Variants in POU6F2 observed in about 807,000 individuals in gnomAD.
POU6F2 encodes the protein POU class 6 homeobox 2, also known as POU domain, class 6, transcription factor 2.
POU6F2 carries 31 observed loss-of-function variants against 71.3 expected under a neutral mutation model. The ratio of observed to expected loss-of-function variants is 0.43; its 90% confidence interval spans 0.33 to 0.59. The LOEUF (loss-of-function observed/expected upper bound fraction) is 0.59. Among genes scored for constraint, POU6F2 ranks in the 20% least tolerant of loss-of-function variants. The pLI, the probability that POU6F2 is intolerant of heterozygous loss-of-function variation, is 0.04. For missense variants in POU6F2, 783 were observed against 856.8 expected (o/e 0.91, Z 1.07); for synonymous variants, 347 against 355.7 (o/e 0.98, Z 0.27).
At position 39,291,726 on chromosome 7, in the gene POU6F2, G is replaced by T. The variant is rs373732149; in HGVS notation, c.599-47916G>T. ...TTGAAGCACGGTTTCATTAATACCG[G>T]ATGGCAGAAAAGGAGCCAAGTCCCA... On this transcript the variant is annotated intron_variant, in intron 4 of 9. Transcript: ENST00000518318. Among the ~76,000 whole-genome samples the T allele has an allele frequency of 8.5e-5, 13 of 152,268 alleles. 1 individual carries two copies. In the East Asian group the frequency reaches 1.9e-3, roughly 23 times the overall value.
intron 5 of POU6F2, among the ~76,000 whole-genome samples, chr7:39,382,924 T>TTAA (rs1786859710): frequency 6.6e-6 from 1 of 152,102 alleles, no homozygotes; most frequent in Non-Finnish European, 1.5e-5. Flanking sequence ...AAATGAGGAA[T>TTAA]TTCATTAAGT....
intron 4 of POU6F2, among the ~76,000 whole-genome samples, chr7:39,223,254 AG>A (rs1321779337): frequency 6.6e-6 from 1 of 152,204 alleles, no homozygotes; most frequent in Non-Finnish European, 1.5e-5. Flanking sequence ...CCTGAGGAGA[AG>A]GCACGCTTCA....
At chr7:39,361,712 A>G (rs918955885) in intron 5 of POU6F2, among the ~76,000 whole-genome samples, 5 of 152,240 alleles carry the variant, frequency 3.3e-5, no homozygotes, top group African/African-American at 9.6e-5. Context: ...TTTTTATGTA[A>G]CATACTTTGA....
At chr7:39,248,056 T>C (rs141003636) in intron 4 of POU6F2, among the ~76,000 whole-genome samples, 174 of 152,168 alleles carry the variant, frequency 1.1e-3, no homozygotes, top group African/African-American at 4.1e-3. Context: ...CAGGATTTAG[T>C]GTGTTGATTT....
intron 2 of POU6F2, among the ~76,000 whole-genome samples, chr7:39,112,036 A>G (rs574941953): frequency 9.2e-5 from 14 of 152,288 alleles, no homozygotes; most frequent in Non-Finnish European, 1.6e-4. Context: ...CTTCATCGTT[A>G]GAAGTCCTTA....
At chr7:39,194,450 T>G (rs1793736848) in intron 2 of POU6F2, among the ~76,000 whole-genome samples, 1 of 152,138 alleles carries the variant, frequency 6.6e-6, no homozygotes, top group Admixed American at 6.5e-5. Flanking sequence ...AGCTAAAGGA[T>G]TGTAAATGCA....
At chr7:39,406,509 C>T (rs2115895578) in intron 5 of POU6F2, 91 bp from the exon 6 acceptor site, 1 of 1,461,984 alleles carries the variant, frequency 6.8e-7, no homozygotes, top group Non-Finnish European at 9.3e-7. Flanking sequence ...CGAATTGAGG[C>T]GAGAACTACC....
intron 2 of POU6F2, among the ~76,000 whole-genome samples, chr7:39,187,471 T>C (rs1793564905): frequency 6.6e-6 from 1 of 152,214 alleles, no homozygotes; most frequent in Non-Finnish European, 1.5e-5. Flanking sequence ...TTTACTGCCA[T>C]CAGAGGGTAG....
intron 2 of POU6F2, among the ~76,000 whole-genome samples, chr7:39,128,820 G>T (rs1204465178): frequency 6.6e-6 from 1 of 152,118 alleles, no homozygotes. Flanking sequence ...GTTATTCCTG[G>T]TCTCCAATTT....
chr7:39,218,147 T>C (rs1006353115), intron 4 of POU6F2, among the ~76,000 whole-genome samples: 2 of 151,928 alleles, frequency 1.3e-5, no homozygotes, highest in African/African-American at 4.8e-5. Context: ...GCCATCCGAG[T>C]TGGCAAAAGT....
intron 5 of POU6F2, among the ~76,000 whole-genome samples, chr7:39,380,427 T>C (rs1786803690): frequency 6.6e-6 from 1 of 152,218 alleles, no homozygotes. Flanking sequence ...AAAATCATCC[T>C]TTGCAGGAAT....
At chr7:39,261,488 C>T (rs1784138782) in intron 4 of POU6F2, among the ~76,000 whole-genome samples, 1 of 152,204 alleles carries the variant, frequency 6.6e-6, no homozygotes. Flanking sequence ...TTTTATAAGG[C>T]ATTGTTCTCA....
chr7:39,417,285 T>C (rs935321415), intron 6 of POU6F2, among the ~76,000 whole-genome samples: 1 of 152,174 alleles, frequency 6.6e-6, no homozygotes, highest in Non-Finnish European at 1.5e-5. Flanking sequence ...GTTGACATGA[T>C]GAATACTCTT....
intron 1 of POU6F2, among the ~76,000 whole-genome samples, chr7:39,036,891 T>C (rs1790077539): frequency 6.6e-6 from 1 of 151,462 alleles, no homozygotes; most frequent in Non-Finnish European, 1.5e-5. Context: ...ATTATTATTA[T>C]TATTATTATT....
intron 4 of POU6F2, among the ~76,000 whole-genome samples, chr7:39,216,884 C>A (rs1170915529): frequency 6.6e-6 from 1 of 152,092 alleles, no homozygotes; most frequent in East Asian, 1.9e-4. Flanking sequence ...ATCAAGACTT[C>A]AGATGCCTGT....
intron 2 of POU6F2, among the ~76,000 whole-genome samples, chr7:39,192,514 A>G (rs1027103493): frequency 6.6e-6 from 1 of 152,196 alleles, no homozygotes; most frequent in Non-Finnish European, 1.5e-5. Flanking sequence ...GAAAATTGCC[A>G]TAAATAAGAG....
intron 4 of POU6F2, among the ~76,000 whole-genome samples, chr7:39,330,052 G>A (rs1785607213): frequency 6.6e-6 from 1 of 152,164 alleles, no homozygotes; most frequent in African/African-American, 2.4e-5. Flanking sequence ...AACATGCTAA[G>A]TTCTCAGCCA....
intron 8 of POU6F2, among the ~76,000 whole-genome samples, chr7:39,459,489 T>C (rs1325736531): frequency 1.4e-5 from 2 of 144,350 alleles, no homozygotes; most frequent in African/African-American, 5.1e-5. Flanking sequence ...TTTTGTTTTG[T>C]TTTGTTTCAC....
At chr7:39,221,892 T>G (rs1202608875) in intron 4 of POU6F2, among the ~76,000 whole-genome samples, 1 of 152,168 alleles carries the variant, frequency 6.6e-6, no homozygotes, top group African/African-American at 2.4e-5. Flanking sequence ...TTTAAATATT[T>G]TAAAATAAAA....
Sources: gnomAD v4.1 joint callset for allele counts (sites outside exome capture counted in the v4.1 genomes callset) on GRCh38, gnomAD v4.1.1 for gene constraint, MANE v1.5 for transcripts, NCBI Gene and HGNC (gene_info 2026-07-23, HGNC 2026-07-21) for gene names.